IFT172: variants seen among roughly 807,000 people sequenced by gnomAD.
IFT172 encodes intraflagellar transport protein 172 homolog.
Under a neutral mutation model 248.9 loss-of-function variants are expected in IFT172, and 164 were observed. The ratio of observed to expected loss-of-function variants is 0.66; its 90% confidence interval spans 0.58 to 0.75. IFT172 has a LOEUF of 0.75. IFT172 is among the 30% of genes least tolerant of loss of function. The probability of loss-of-function intolerance (pLI) is 0.00; values close to 1 mark genes in which losing one functional copy is unlikely to be tolerated. For synonymous variants in IFT172, 729 were observed against 791.6 expected (o/e 0.92, Z 1.33); for missense variants, 1,950 against 2,192.4 (o/e 0.89, Z 2.21).
intron 6 of IFT172, 59 bp downstream of exon 6, chr2:27,483,521 T>TC (rs1668534562): frequency 6.4e-7 from 1 of 1,572,450 alleles, no homozygotes. Context: ...AGTCCAGACT[T>TC]CCCCACAGCA....
At chr2:27,462,633 T>A in intron 20 of IFT172, 68 bp downstream of exon 20, 1 of 1,413,160 alleles carries the variant, frequency 7.1e-7, no homozygotes, top group East Asian at 2.3e-5. Context: ...CTCCCTTGAG[T>A]TTGTACCCCC....
rs1666606312 is a variant in IFT172, at chr2:27,460,923, G to A, written c.2521+92C>T. ...CACCTTACGAGAAACACCCACAGGT[G>A]TGTAGGGGCAACCCACCCCTACAAG... On this transcript the variant is annotated intron_variant, in intron 23 of 47. Transcript: ENST00000260570. The A allele has an allele frequency of 2.9e-6, 4 of 1,364,876 alleles. No individual in the cohort carries two copies. The African/African-American group carries it at 5.7e-5, about 20-fold the overall frequency. The allele number at this position is 1,364,876 out of a possible 1,614,324, so 84.5% of individuals were successfully genotyped here. A position where few individuals can be genotyped will look rare whatever the true frequency, so the allele number is the denominator to read the frequency against.
In IFT172 at chr2:27,476,762, T is replaced by A. The variant is rs566007491; in HGVS notation, c.1326-36A>T. ...AAGGGTGAGGTAAGGCAAAATGGGC[T>A]GAGGTAGTTGGGATGTTTATTAAAG... is the stretch of plus-strand genomic sequence containing the variant. On this transcript the variant is annotated intron_variant, in intron 13 of 47. Transcript: ENST00000260570. 4 of 1,282,996 alleles carry A rather than the reference T, an allele frequency of 3.1e-6. No homozygotes were observed. In the Admixed American group the frequency reaches 5.1e-5, roughly 16 times the overall value. The allele number at this position is 1,282,996 out of a possible 1,614,324, so 79.5% of individuals were successfully genotyped here. A position where few individuals can be genotyped will look rare whatever the true frequency, so the allele number is the denominator to read the frequency against.
chr2:27,485,574 T>G, intron 1 of IFT172, 71 bp from the exon 2 acceptor site: 1 of 1,559,192 alleles, frequency 6.4e-7, no homozygotes, highest in Non-Finnish European at 8.8e-7. Context: ...CTAGCTTCAT[T>G]AATTCTAGTG....
chr2:27,466,004 T>A, intron 16 of IFT172, 122 bp from the exon 17 acceptor site: 1 of 1,103,514 alleles, frequency 9.1e-7, no homozygotes, highest in Non-Finnish European at 1.3e-6. Flanking sequence ...CGGCCCTGAT[T>A]TTCCTAACAT....
At chr2:27,455,535 T>C in intron 30 of IFT172, 1 of 203,184 alleles carries the variant, frequency 4.9e-6, no homozygotes, top group Non-Finnish European at 9.9e-6. Context: ...GGTGAAACCC[T>C]GTCTCTACTA....
Position 27,454,802 on chromosome 2 carries a change from G to A in IFT172, c.3372-142C>T, listed in dbSNP as rs10177778. On this transcript the variant is annotated intron_variant, in intron 30 of 47. Transcript: ENST00000260570. This position sits in a 1 kb window ranked among gnomAD's most constrained non-coding sequence, Gnocchi z 4.2. The stretch of plus-strand genomic sequence containing the variant: ...AACAAATATGAAGTGACAGAAAAGC[G>A]TGGAGAGATAAAAAGGAAGACGGGC... 2.5e-5 allele frequency: 18 copies of A among 724,790 alleles called. No individual in the cohort carries two copies. The highest frequency in any genetic ancestry group is 7.1e-5 in the African/African-American group (4 of 56,274). The allele number at this position is 724,790 out of a possible 1,614,324, so 44.9% of individuals were successfully genotyped here. A position where few individuals can be genotyped will look rare whatever the true frequency, so the allele number is the denominator to read the frequency against.
chr2:27,476,947 C>T (rs1324357810), intron 13 of IFT172: 1 of 588,330 alleles, frequency 1.7e-6, no homozygotes, highest in Non-Finnish European at 3.0e-6. Flanking sequence ...CCTCACCTTC[C>T]TGAGTAACTG....
intron 11 of IFT172, 92 bp from the exon 12 acceptor site, chr2:27,477,704 T>C: frequency 3.1e-6 from 3 of 958,330 alleles, no homozygotes; most frequent in Non-Finnish European, 5.1e-6. Flanking sequence ...AGTGGAAAGA[T>C]ATATTTATGT....
chr2:27,457,845 C>T lies in IFT172; in HGVS notation c.3107G>A (p.Gly1036Asp). 6.2e-7 allele frequency: 1 copy of T among 1,614,120 alleles called. No homozygotes were observed. Among genetic ancestry groups the T allele is most frequent in the African/African-American group, 1.3e-5 (1 of 75,014 alleles). Reference sequence around the variant, plus strand: ...AGAGCCAGGAGAAGGGCTCACCTTGCCCAGATGTAGGTGTGTATCACTGAG... The same window carrying T: ...AGAGCCAGGAGAAGGGCTCACCTTGTCCAGATGTAGGTGTGTATCACTGAG... ...DLLSDTHLHL[G>D]KELEAEGRLQ... Residue 1036 changes from glycine to aspartate, a missense_variant, in exon 28 of 48, where the codon GGC becomes GAC. By Grantham distance (94) the Gly-to-Asp change is moderately conservative (BLOSUM62 -1). Transcript: ENST00000260570.
At chr2:27,450,196 CT>C (rs1220765689) in intron 35 of IFT172, 100 bp from the exon 36 acceptor site, 10 of 855,344 alleles carry the variant, frequency 1.2e-5, no homozygotes, top group Non-Finnish European at 1.9e-5. Flanking sequence ...CAGATGCCAA[CT>C]TTTTCTCTTA....
At chr2:27,446,526 A>G in intron 42 of IFT172, 171 bp from the exon 43 acceptor site, 1 of 570,596 alleles carries the variant, frequency 1.8e-6, no homozygotes, top group Non-Finnish European at 3.1e-6. Flanking sequence ...TCTGAACAAG[A>G]CACCTGGGCC....
rs1421729217 is a variant in IFT172, at chr2:27,454,196, T to A, written c.3531-34A>T. On this transcript the variant is annotated intron_variant, in intron 32 of 47. Transcript: ENST00000260570. The surrounding 1 kb of genome is among the most constrained non-coding windows in gnomAD (Gnocchi z 4.2). ...AGGTGGGGACAGAGGAGAGACTGAG[T>A]ATAGGACTGAGGCCCCAATAGTGGG... 5 of 1,605,544 alleles carry A rather than the reference T, an allele frequency of 3.1e-6. No individual in the cohort carries two copies. The highest frequency in any genetic ancestry group is 4.3e-6 in the Non-Finnish European group (5 of 1,174,524).
At chr2:27,473,718 C>G (rs971089817) in intron 14 of IFT172, among the ~76,000 whole-genome samples, 3 of 152,046 alleles carry the variant, frequency 2.0e-5, no homozygotes, top group African/African-American at 7.2e-5. Flanking sequence ...TATGTGTGTA[C>G]AGTATATATT....
chr2:27,478,074 A>T lies in IFT172; in HGVS notation c.1088T>A (p.Leu363Gln). The T allele has an allele frequency of 6.2e-7, 1 of 1,614,182 alleles. No individual in the cohort carries two copies. Among genetic ancestry groups the T allele is most frequent in the Non-Finnish European group, 8.5e-7 (1 of 1,180,028 alleles). ...YGYEVEEVKI[L>Q]GKERYLVAHT... ...AGCCACCAAGTAACGTTCCTTTCCTAGGATTTTCACCTCTTCCACCTCATA... is the reference window on the plus strand; with the variant it reads ...AGCCACCAAGTAACGTTCCTTTCCTTGGATTTTCACCTCTTCCACCTCATA... Residue 363 changes from leucine to glutamine, a missense_variant, in exon 11 of 48, where the codon CTA becomes CAA. Physicochemically the swap from Leu to Gln is moderately radical, Grantham distance 113. Transcript: ENST00000260570.
chr2:27,486,007 C>G (rs1256731323), intron 1 of IFT172, among the ~76,000 whole-genome samples: 1 of 151,994 alleles, frequency 6.6e-6, no homozygotes, highest in African/African-American at 2.4e-5. Flanking sequence ...TTTGGAGAAG[C>G]CTGAGAGAAT....
intron 35 of IFT172, among the ~76,000 whole-genome samples, chr2:27,452,940 T>C (rs916399711): frequency 6.6e-6 from 1 of 152,178 alleles, no homozygotes; most frequent in African/African-American, 2.4e-5. Context: ...TCAGGAAATG[T>C]TGGGTGGGGG....
Position 27,453,510 on chromosome 2 carries a change from A to G in IFT172, c.3825T>C (p.Gly1275=). 6.2e-7 allele frequency: 1 copy of G among 1,613,544 alleles called. No homozygotes were observed. Among genetic ancestry groups the G allele is most frequent in the Non-Finnish European group, 8.5e-7 (1 of 1,179,774 alleles). Residue 1275 remains glycine, a synonymous_variant, in exon 35 of 48, where the codon GGT becomes GGC. Transcript: ENST00000260570. The part of the protein sequence containing the change: ...EREATKKGAR[G]VEGFVEQARH... ...GAGCTTGTTCCACAAATCCCTCCAC[A>G]CCCCTGTGGAGATGAGAGCGCTGGG...
intron 20 of IFT172, among the ~76,000 whole-genome samples, 176 bp from the exon 21 acceptor site, chr2:27,462,012 T>G (rs904848392): frequency 1.3e-5 from 2 of 152,160 alleles, no homozygotes; most frequent in African/African-American, 4.8e-5. Context: ...GGCTCCTTAT[T>G]TGCACACACC....
Sources: gnomAD v4.1 joint callset for allele counts (sites outside exome capture counted in the v4.1 genomes callset) on GRCh38, gnomAD v4.1.1 for gene constraint, Gnocchi (gnomAD v3.1) non-coding constraint, MANE v1.5 for transcripts, NCBI Gene and HGNC (gene_info 2026-07-23, HGNC 2026-07-21) for gene names.